Variants in SDCCAG8 observed in about 807,000 individuals in gnomAD.
The protein encoded by SDCCAG8 is serologically defined colon cancer antigen 8.
In SDCCAG8, 74 loss-of-function variants were observed where a neutral mutation model predicts 101.8. The ratio of observed to expected loss-of-function variants is 0.73; its 90% CI spans 0.60 to 0.88. SDCCAG8 has a LOEUF of 0.88. SDCCAG8 is among the 40% of genes least tolerant of loss of function. SDCCAG8 has a pLI of 0.00. For missense variants in SDCCAG8, 787 were observed against 822.6 expected, an observed-to-expected ratio of 0.96 and a Z score of 0.53; for synonymous variants, 281 against 292.9, an observed-to-expected ratio of 0.96 and a Z score of 0.41.
In SDCCAG8 at chr1:243,304,795, A is replaced by G. The variant is rs1394032819; in HGVS notation, c.740+18A>G. The G allele has an allele frequency of 2.2e-6, 3 of 1,378,720 alleles. No individual in the cohort carries two copies. The highest frequency in any genetic ancestry group is 2.3e-5 in the East Asian group (1 of 43,664). 85.4% of individuals were successfully genotyped at this position (1,378,720 alleles called of 1,614,324 possible). On this transcript the variant is annotated intron_variant, in intron 7 of 17. Transcript: ENST00000366541. The stretch of plus-strand genomic sequence containing the variant: ...TTTTTGAGGTAAAGTGAAATCGTCC[A>G]TTTATAGTCATACCAAAAGCATAAT...
Position 243,499,822 on chromosome 1 carries a change from G to GAGAT in SDCCAG8, c.*39_*42dup, listed in dbSNP as rs779134954. 49 of 1,600,214 alleles carry GAGAT rather than the reference G, an allele frequency of 3.1e-5. No individual in the cohort carries two copies. Among genetic ancestry groups the GAGAT allele is most frequent in the Non-Finnish European group, 3.8e-5 (44 of 1,168,620 alleles). On this transcript the variant is annotated 3_prime_UTR_variant, in exon 18 of 18. Transcript: ENST00000366541. ...CAGAGTGAAATAAATGATTTACAAA[G>GAGAT]AGATATTTACATTCATCTGGTTTAG...
intron 17 of SDCCAG8, among the ~76,000 whole-genome samples, chr1:243,495,807 T>C (rs1667709859): frequency 6.6e-6 from 1 of 152,190 alleles, no homozygotes; most frequent in South Asian, 2.1e-4. Context: ...CGTGGCTTAT[T>C]TCATCCAGGT....
chr1:243,304,604 C>T (rs2071891866), intron 6 of SDCCAG8, 109 bp from the exon 7 acceptor site: 1 of 658,514 alleles, frequency 1.5e-6, no homozygotes, highest in Non-Finnish European at 2.7e-6. Flanking sequence ...GACATGTTTC[C>T]CCCACGTTGG....
chr1:243,313,522 C>T (rs1366831064), intron 8 of SDCCAG8, among the ~76,000 whole-genome samples: 3 of 152,220 alleles, frequency 2.0e-5, no homozygotes, highest in Non-Finnish European at 2.9e-5. Flanking sequence ...ATGATCTTTA[C>T]GTCATCTTTC....
chr1:243,347,174 TTC>T (rs2075770304), intron 12 of SDCCAG8, among the ~76,000 whole-genome samples: 2 of 152,228 alleles, frequency 1.3e-5, no homozygotes, highest in South Asian at 2.1e-4. Flanking sequence ...CTTCATCTTC[TTC>T]TGTCTTCTTC....
intron 12 of SDCCAG8, among the ~76,000 whole-genome samples, chr1:243,345,232 A>C (rs569950890): frequency 2.0e-5 from 3 of 152,316 alleles, no homozygotes; most frequent in African/African-American, 7.2e-5. Context: ...TCTTTACAAC[A>C]AATGATGCAA....
intron 6 of SDCCAG8, 99 bp downstream of exon 6, chr1:243,293,318 AT>A: frequency 8.1e-7 from 1 of 1,239,710 alleles, no homozygotes; most frequent in Non-Finnish European, 1.2e-6. Context: ...AAAATTTACC[AT>A]TATAACCATT....
intron 13 of SDCCAG8, 143 bp downstream of exon 13, chr1:243,379,006 G>GGTAAGCAA: frequency 9.5e-7 from 1 of 1,055,238 alleles, no homozygotes; most frequent in South Asian, 1.4e-5. Flanking sequence ...GTGGAGATGT[G>GGTAAGCAA]GTAAGCAAAA....
chr1:243,442,276 G>T (rs2082589430), intron 16 of SDCCAG8, among the ~76,000 whole-genome samples: 1 of 152,158 alleles, frequency 6.6e-6, no homozygotes, highest in Non-Finnish European at 1.5e-5. Context: ...TGGTATCACT[G>T]GTTGTAATTG....
At chr1:243,316,606 G>A in intron 8 of SDCCAG8, 149 bp from the exon 9 acceptor site, 3 of 907,220 alleles carry the variant, frequency 3.3e-6, no homozygotes, top group Non-Finnish European at 5.2e-6. Context: ...AGGACAGAGG[G>A]TCTTTCTCTG....
intron 13 of SDCCAG8, among the ~76,000 whole-genome samples, chr1:243,398,397 A>C (rs1346504217): frequency 6.6e-6 from 1 of 152,166 alleles, no homozygotes; most frequent in Non-Finnish European, 1.5e-5. Context: ...GAGGCAATAT[A>C]CAACTATATT....
intron 7 of SDCCAG8, among the ~76,000 whole-genome samples, chr1:243,306,993 G>A (rs1248354148): frequency 6.6e-6 from 1 of 151,802 alleles, no homozygotes; most frequent in Non-Finnish European, 1.5e-5. Context: ...ACAACAGAGA[G>A]TAGACAGAGA....
At chr1:243,304,037 C>T (rs1196900749) in intron 6 of SDCCAG8, among the ~76,000 whole-genome samples, 4 of 151,924 alleles carry the variant, frequency 2.6e-5, no homozygotes, top group South Asian at 2.1e-4. Flanking sequence ...TGCGCCACTG[C>T]ACTCCAGCCT....
At chr1:243,327,823 C>G (rs1025036445) in intron 9 of SDCCAG8, among the ~76,000 whole-genome samples, 2 of 152,204 alleles carry the variant, frequency 1.3e-5, no homozygotes, top group Non-Finnish European at 2.9e-5. Context: ...CTACGCTTTT[C>G]TGTTTTCTTC....
chr1:243,266,943 CA>C (rs376247572), intron 1 of SDCCAG8, among the ~76,000 whole-genome samples: 6,848 of 100,512 alleles, frequency 0.068, 582 homozygotes, highest in African/African-American at 0.25. Flanking sequence ...AACTTCGTCT[CA>C]AAAAAAAAAA....
intron 16 of SDCCAG8, chr1:243,487,817 C>G (rs41315868): frequency 0.032 from 4,842 of 152,546 alleles, 95 homozygotes; most frequent in Middle Eastern, 0.067. Flanking sequence ...CCTCCCCCGG[C>G]ACAGGTAGGG....
chr1:243,278,856 C>T (rs1175544011), intron 4 of SDCCAG8, among the ~76,000 whole-genome samples: 3 of 152,086 alleles, frequency 2.0e-5, no homozygotes, highest in Non-Finnish European at 4.4e-5. Flanking sequence ...AATCATGGCT[C>T]ACTGTAGCCT....
chr1:243,266,011 A>T (rs187588244), intron 1 of SDCCAG8, among the ~76,000 whole-genome samples: 223 of 152,192 alleles, frequency 1.5e-3, no homozygotes, highest in Non-Finnish European at 2.5e-3. Context: ...CATGGAATAC[A>T]TTTCTTCTTT....
intron 16 of SDCCAG8, among the ~76,000 whole-genome samples, chr1:243,465,691 A>C (rs901061638): frequency 6.6e-6 from 1 of 152,180 alleles, no homozygotes; most frequent in Non-Finnish European, 1.5e-5. Flanking sequence ...CTATAATTTA[A>C]ATGTCTCTGA....
Sources: allele counts gnomAD v4.1 joint callset (sites outside exome capture counted in the v4.1 genomes callset), GRCh38; gene constraint gnomAD v4.1.1; transcripts MANE v1.5; gene names NCBI Gene and HGNC (gene_info 2026-07-23, HGNC 2026-07-21).